Variants in SP2 observed in about 807,000 individuals in gnomAD.
SP2 encodes transcription factor Sp2.
Under a neutral mutation model 50.1 loss-of-function variants are expected in SP2, and 9 were observed. That is an observed-to-expected ratio of 0.18 (90% CI 0.11 to 0.31). The LOEUF (loss-of-function observed/expected upper bound fraction) is 0.31, where lower values mean the gene tolerates loss of function less well. SP2 is among the 10% of genes least tolerant of loss of function. SP2 has a pLI of 1.00. For synonymous variants in SP2, 313 were observed against 326.6 expected (o/e 0.96, Z 0.45); for missense variants, 581 against 806.5 (o/e 0.72, Z 3.39).
At chr17:47,922,775 G>T (rs1206842111) in intron 3 of SP2, among the ~76,000 whole-genome samples, 187 bp from the exon 4 acceptor site, 1 of 152,078 alleles carries the variant, frequency 6.6e-6, no homozygotes, top group Non-Finnish European at 1.5e-5. Context: ...GTCAACATTC[G>T]CCAGCTTAGT....
chr17:47,901,229 C>T (rs963486795), intron 1 of SP2, among the ~76,000 whole-genome samples: 1 of 150,464 alleles, frequency 6.6e-6, no homozygotes, highest in African/African-American at 2.4e-5. Context: ...CTCACTGCAA[C>T]CTCTGCCTCC....
chr17:47,898,461 G>C (rs2034422097), intron 1 of SP2: 1 of 152,120 alleles, frequency 6.6e-6, no homozygotes, highest in Admixed American at 6.6e-5. Flanking sequence ...GCCCAACCAG[G>C]GCCCTTATGA....
At chr17:47,900,548 A>G (rs968586824) in intron 1 of SP2, among the ~76,000 whole-genome samples, 3 of 152,200 alleles carry the variant, frequency 2.0e-5, no homozygotes, top group African/African-American at 7.2e-5. Context: ...AGGCTGAGGC[A>G]GGCAGATCAC....
chr17:47,931,610 C>A (rs1457648105), downstream of SP2, among the ~76,000 whole-genome samples: 8 of 152,188 alleles, frequency 5.3e-5, no homozygotes, highest in Non-Finnish European at 4.4e-5. Flanking sequence ...CCTGAGGCCC[C>A]TTTAAGGTTG....
chr17:47,897,910 C>CATTGGCTGGGACG, intron 1 of SP2: 3 of 978,002 alleles, frequency 3.1e-6, no homozygotes, highest in Non-Finnish European at 3.6e-6. Context: ...AATGGATTAT[C>CATTGGCTGGGACG]ATTGGCTGGG....
At chr17:47,909,473 A>G (rs1256327490) in intron 1 of SP2, among the ~76,000 whole-genome samples, 1 of 152,152 alleles carries the variant, frequency 6.6e-6, no homozygotes, top group Non-Finnish European at 1.5e-5. Flanking sequence ...GCTGGGCTCA[A>G]ACACCTGAGC....
intron 6 of SP2, among the ~76,000 whole-genome samples, chr17:47,927,288 C>T (rs1567705750): frequency 1.3e-5 from 2 of 152,016 alleles, no homozygotes; most frequent in African/African-American, 4.8e-5. Flanking sequence ...AATCCCAGCA[C>T]TTTGGAAGGC....
intron 1 of SP2, among the ~76,000 whole-genome samples, chr17:47,908,943 G>A (rs1033047087): frequency 2.6e-5 from 4 of 152,210 alleles, no homozygotes; most frequent in African/African-American, 9.7e-5. Flanking sequence ...CCTGCCTCTG[G>A]TTAAGTGATT....
chr17:47,909,088 C>T (rs1357393002), intron 1 of SP2, among the ~76,000 whole-genome samples: 20 of 152,220 alleles, frequency 1.3e-4, no homozygotes, highest in Non-Finnish European at 1.0e-4. Flanking sequence ...CCCATGTCCC[C>T]ACTCTGGCAC....
At chr17:47,912,066 G>A (rs1280501922) in intron 1 of SP2, among the ~76,000 whole-genome samples, 1 of 152,088 alleles carries the variant, frequency 6.6e-6, no homozygotes, top group Non-Finnish European at 1.5e-5. Flanking sequence ...AAAATACCTG[G>A]TGTATACCAT....
chr17:47,902,374 G>T (rs1413949462), intron 1 of SP2, among the ~76,000 whole-genome samples: 1 of 152,098 alleles, frequency 6.6e-6, no homozygotes, highest in Admixed American at 6.5e-5. Flanking sequence ...GATGGTATTG[G>T]GGGCCTCTGA....
chr17:47,925,643 A>G, intron 6 of SP2, 102 bp downstream of exon 6: 1 of 879,640 alleles, frequency 1.1e-6, no homozygotes, highest in Non-Finnish European at 1.8e-6. Flanking sequence ...CACTCCTGGA[A>G]CTGCCACACT....
intron 3 of SP2, 90 bp from the exon 4 acceptor site, chr17:47,922,871 GC>G: frequency 1.8e-6 from 2 of 1,103,874 alleles, no homozygotes; most frequent in African/African-American, 1.6e-5. Context: ...GTGGACAGGC[GC>G]CCCCAGTTCT....
downstream of SP2, among the ~76,000 whole-genome samples, chr17:47,930,958 G>A (rs2035806411): frequency 6.6e-6 from 1 of 152,188 alleles, no homozygotes; most frequent in Admixed American, 6.5e-5. Context: ...GGCAAATCCA[G>A]GCATTATATG....
Position 47,916,012 on chromosome 17 carries a change from G to A in SP2, c.85-144G>A, listed in dbSNP as rs1440008244. On this transcript the variant is annotated intron_variant, in intron 2 of 6. Transcript: ENST00000376741. This position sits in a 1 kb window ranked among gnomAD's most constrained non-coding sequence, Gnocchi z 4.7. ...GTAGAGAAGGGGAGACAGCAGCCAAGCAGGGGAGGGTACTGGCAACATGCC... is the reference window on the plus strand; with the variant it reads ...GTAGAGAAGGGGAGACAGCAGCCAAACAGGGGAGGGTACTGGCAACATGCC... 1.1e-6 allele frequency: 1 copy of A among 908,204 alleles called. No individual in the cohort carries two copies. The highest frequency in any genetic ancestry group is 1.7e-6 in the Non-Finnish European group (1 of 594,470). The allele number at this position is 908,204 out of a possible 1,614,324, so 56.3% of individuals were successfully genotyped here. A position where few individuals can be genotyped will look rare whatever the true frequency, so the allele number is the denominator to read the frequency against.
At chr17:47,898,455 A>G (rs2143745778) in intron 1 of SP2, 1 of 152,344 alleles carries the variant, frequency 6.6e-6, no homozygotes, top group African/African-American at 2.4e-5. Context: ...AGTATTGCCC[A>G]ACCAGGGCCC....
chr17:47,903,358 TAAAG>T (rs1182497482), intron 1 of SP2, among the ~76,000 whole-genome samples: 1 of 151,950 alleles, frequency 6.6e-6, no homozygotes, highest in Non-Finnish European at 1.5e-5. Flanking sequence ...AGAGGCCAAG[TAAAG>T]AAAGTGTTTC....
At chr17:47,920,290 ATT>A (rs71141941) in intron 3 of SP2, among the ~76,000 whole-genome samples, 28 of 124,140 alleles carry the variant, frequency 2.3e-4, no homozygotes, top group Admixed American at 3.2e-4. Context: ...TAATTTTTGA[ATT>A]TTTTTTTTTT....
intron 1 of SP2, among the ~76,000 whole-genome samples, chr17:47,902,578 GTGTT>G (rs1366103132): frequency 3.9e-5 from 6 of 152,140 alleles, no homozygotes; most frequent in African/African-American, 1.4e-4. Context: ...TGAAGATAGA[GTGTT>G]TGCTGTCAAG....
Sources: gnomAD v4.1 joint callset for allele counts (sites outside exome capture counted in the v4.1 genomes callset) on GRCh38, gnomAD v4.1.1 for gene constraint, Gnocchi (gnomAD v3.1) non-coding constraint, MANE v1.5 for transcripts, NCBI Gene and HGNC (gene_info 2026-07-23, HGNC 2026-07-21) for gene names.